Variants in ZZEF1 observed in about 807,000 individuals in gnomAD.
ZZEF1 encodes the protein zinc finger ZZ-type and EF-hand domain containing 1.
A neutral mutation model predicts 342.8 loss-of-function variants in ZZEF1; 157 were observed. The observed-to-expected ratio is 0.46, with a 90% CI of 0.40 to 0.52. The LOEUF is 0.52. Among genes scored for constraint, ZZEF1 ranks in the 20% least tolerant of loss-of-function variants. ZZEF1 has a pLI of 0.00. For synonymous variants in ZZEF1, 1,505 were observed against 1,429.1 expected (o/e 1.05, Z -1.20); for missense variants, 3,480 against 3,725.6 (o/e 0.93, Z 1.72).
In ZZEF1 at chr17:4,049,865, TG is replaced by T; in HGVS notation, c.5864-7del. ...CAAAGCTAGAGCTTTAAGGCCTATG[TG>T]GGAAGCAAATCAGAGAATGGTTAGA... On this transcript the variant is annotated splice_region_variant and splice_polypyrimidine_tract_variant and intron_variant, in intron 36 of 54. Transcript: ENST00000381638. 1.2e-6 allele frequency: 2 copies of T among 1,612,234 alleles called. No individual in the cohort carries two copies. The highest frequency in any genetic ancestry group is 1.7e-6 in the Non-Finnish European group (2 of 1,179,452).
intron 27 of ZZEF1, 137 bp from the exon 28 acceptor site, chr17:4,066,677 TACTC>T: frequency 2.7e-6 from 2 of 739,848 alleles, no homozygotes; most frequent in Non-Finnish European, 4.6e-6. Flanking sequence ...GGGTTTGTAA[TACTC>T]ACAACCTTAT....
intron 1 of ZZEF1, among the ~76,000 whole-genome samples, chr17:4,124,757 T>G (rs1288623057): frequency 6.6e-6 from 1 of 152,052 alleles, no homozygotes; most frequent in African/African-American, 2.4e-5. Context: ...CGCGTCTGCC[T>G]GGGCTTTTTC....
In ZZEF1 at chr17:4,005,774, T is replaced by G. The variant is rs1484909406; in HGVS notation, c.*1116A>C. On this transcript the variant is annotated 3_prime_UTR_variant, in exon 55 of 55. Transcript: ENST00000381638. The stretch of plus-strand genomic sequence containing the variant: ...CCAGACACTGCCCCTAAAGGCATGC[T>G]CCAACCCCACGGGTCCCACTAAGGC... The G allele has an allele frequency of 2.0e-5, 3 of 152,198 alleles. No homozygotes were observed. Among genetic ancestry groups the G allele is most frequent in the African/African-American group, 7.2e-5 (3 of 41,416 alleles). 9.4% of individuals were successfully genotyped at this position (152,198 alleles called of 1,614,324 possible). A position where few individuals can be genotyped will look rare whatever the true frequency, so the allele number is the denominator to read the frequency against.
chr17:4,114,115 C>A (rs2058356717), intron 4 of ZZEF1, among the ~76,000 whole-genome samples, 184 bp downstream of exon 4: 1 of 152,054 alleles, frequency 6.6e-6, no homozygotes. Flanking sequence ...ATGTTATTTC[C>A]TCCTTTAAAA....
chr17:4,136,722 G>T (rs1420349521), intron 1 of ZZEF1, among the ~76,000 whole-genome samples: 2 of 152,188 alleles, frequency 1.3e-5, no homozygotes, highest in Non-Finnish European at 2.9e-5. Flanking sequence ...TGCAGGCAAT[G>T]AGTACCAAGG....
rs2058360371 is a variant in ZZEF1 at position 4,114,353 on chromosome 17, C to G, written c.812G>C (p.Gly271Ala). The G allele has an allele frequency of 6.2e-7, 1 of 1,612,000 alleles. No individual in the cohort carries two copies. Among genetic ancestry groups the G allele is most frequent in the African/African-American group, 1.3e-5 (1 of 74,986 alleles). Reference protein sequence around the residue: ...NSADIDKMTNGETSSYWQSDG... With the variant: ...NSADIDKMTNAETSSYWQSDG... ...TGACTGCCAGTAGGATGAGGTTTCT[C>G]CATTTGTCATCTTGTCAATGTCTGC... The change falls in exon 4 of 55, where the codon GGA becomes GCA. Residue 271 changes from glycine to alanine, a missense_variant. This residue lies in a region of ZZEF1 where 416 missense variants were observed against 374.2 expected (regional missense o/e 1.11). Coordinates refer to ENST00000381638, the MANE Select transcript of ZZEF1 (RefSeq NM_015113.4).
At position 4,076,751 on chromosome 17, in the gene ZZEF1, G is replaced by C; in HGVS notation, c.3120C>G (p.Phe1040Leu). 10 of 1,608,510 alleles carry C rather than the reference G, an allele frequency of 6.2e-6. No homozygotes were observed. Among genetic ancestry groups the C allele is most frequent in the Non-Finnish European group, 7.6e-6 (9 of 1,176,630 alleles). Reference sequence around the variant, plus strand: ...TGTCTAAAGTGCAGAAGTCCAGCAGGAAGATAACCTAATGGAAGATGGATG... The same window carrying C: ...TGTCTAAAGTGCAGAAGTCCAGCAGCAAGATAACCTAATGGAAGATGGATG... ...FSMAARQLVI[F>L]LLDFCTLDIP... Residue 1040 changes from phenylalanine (F) to leucine (L), a missense_variant, in exon 21 of 55, where the codon TTC (phenylalanine) becomes TTG (leucine). Around this residue, in one of 5 missense-constraint regions of ZZEF1, gnomAD observed 1,528 missense variants for 1,624.1 expected, o/e 0.94. Coordinates refer to ENST00000381638, the MANE Select transcript of ZZEF1 (RefSeq NM_015113.4).
chr17:4,028,430 C>G (rs920415481), intron 42 of ZZEF1, among the ~76,000 whole-genome samples: 17 of 151,946 alleles, frequency 1.1e-4, no homozygotes, highest in African/African-American at 3.6e-4. Context: ...TGCCTGTAAT[C>G]CCAGCTACTT....
chr17:4,086,738 T>G (rs2057836421), intron 14 of ZZEF1, 83 bp from the exon 15 acceptor site: 1 of 1,413,850 alleles, frequency 7.1e-7, no homozygotes, highest in East Asian at 2.3e-5. Flanking sequence ...TACAAAGGAC[T>G]TTCCTCTAGG....
At chr17:4,039,041 A>T (rs1209885856) in intron 39 of ZZEF1, among the ~76,000 whole-genome samples, 3 of 116,126 alleles carry the variant, frequency 2.6e-5, no homozygotes, top group Non-Finnish European at 6.0e-5. Flanking sequence ...AGTGCCTGCT[A>T]AAAAAAAAAG....
Position 4,006,979 on chromosome 17 carries a change from G to T in ZZEF1, c.8806-9C>A. ...GCAATGTTCTGCAGAGCCTGTAGAG[G>T]GAAAAAGAGTTGTCGCCAATGTCGG... On this transcript the variant is annotated splice_polypyrimidine_tract_variant and intron_variant, in intron 54 of 54. Transcript: ENST00000381638. 2 of 1,577,806 alleles carry T rather than the reference G, an allele frequency of 1.3e-6. No homozygotes were observed. Among genetic ancestry groups the T allele is most frequent in the Non-Finnish European group, 8.6e-7 (1 of 1,160,660 alleles).
In ZZEF1 at chr17:4,077,909, T is replaced by C; in HGVS notation, c.2963A>G (p.Asp988Gly). 6.2e-7 allele frequency: 1 copy of C among 1,614,140 alleles called. No homozygotes were observed. Among genetic ancestry groups the C allele is most frequent in the Non-Finnish European group, 8.5e-7 (1 of 1,180,024 alleles). The change falls in exon 19 of 55, where the codon GAT becomes GGT. Residue 988 changes from aspartate (D) to glycine (G), a missense_variant. Physicochemically the swap from Asp to Gly is moderately conservative, Grantham distance 94 (BLOSUM62 -1). This residue lies in a region of ZZEF1 where 1,528 missense variants were observed against 1,624.1 expected (regional missense o/e 0.94). Transcript: ENST00000381638. ...QLKSTDSGAK[D>G]LAVDLIEKYV... ...TTTTTCAATAAGGTCCACGGCAAGA[T>C]CTTTGGCTCCAGAGTCCGTGCTCTT...
At position 4,138,733 on chromosome 17, in the gene ZZEF1, G is replaced by A. The variant is rs184373087; in HGVS notation, c.354+3809C>T. On this transcript the variant is annotated intron_variant, in intron 1 of 54. Coordinates refer to ENST00000381638, the MANE Select transcript of ZZEF1 (RefSeq NM_015113.4). ...CCATCTGTTATCCTGTACTCAGCAC[G>A]TTTTTCTGCCCTAGAAGATTTTCTA... Among the ~76,000 whole-genome samples, 6 of 152,296 alleles carry A rather than the reference G, an allele frequency of 3.9e-5. No homozygotes were observed. In the East Asian group the frequency reaches 9.6e-4, roughly 24 times the overall value.
chr17:4,064,064 G>A (rs749106393), intron 29 of ZZEF1, among the ~76,000 whole-genome samples: 5 of 98,278 alleles, frequency 5.1e-5, no homozygotes, highest in Admixed American at 3.0e-4. Flanking sequence ...TGTAGATGGA[G>A]GGGGGGGGGT....
intron 29 of ZZEF1, 73 bp from the exon 30 acceptor site, chr17:4,062,990 A>G: frequency 6.8e-7 from 1 of 1,463,280 alleles, no homozygotes; most frequent in South Asian, 1.3e-5. Flanking sequence ...ATCCCCGCCA[A>G]AGCCCTGATG....
At chr17:4,083,145 G>A (rs575006397) in intron 16 of ZZEF1, among the ~76,000 whole-genome samples, 45 of 152,316 alleles carry the variant, frequency 3.0e-4, no homozygotes, top group South Asian at 1.9e-3. Flanking sequence ...TATGGTATCC[G>A]AAGATACTGA....
rs770356458 is a variant in ZZEF1 at position 4,076,915 on chromosome 17, C to G, written c.3064G>C (p.Val1022Leu). The change falls in exon 20 of 55, where the codon GTA becomes CTA. Residue 1022 changes from valine (V) to leucine (L), a missense_variant. Around this residue, in one of 5 missense-constraint regions of ZZEF1, gnomAD observed 1,528 missense variants for 1,624.1 expected, o/e 0.94. Coordinates refer to ENST00000381638, the MANE Select transcript of ZZEF1 (RefSeq NM_015113.4). Reference protein sequence around the residue: ...LFSQYSGKTIVERLCNSVFSM... With the variant: ...LFSQYSGKTILERLCNSVFSM... ...AACACTGAGTTACATAATCTTTCTA[C>G]TATGGTTTTTCCACTGTACTGTGAG... The G allele has an allele frequency of 8.1e-6, 13 of 1,614,210 alleles. No homozygotes were observed. The South Asian group carries it at 1.4e-4, about 18-fold the overall frequency.
At chr17:4,114,243 T>G (rs560796725) in intron 4 of ZZEF1, 56 bp downstream of exon 4, 1 of 1,365,630 alleles carries the variant, frequency 7.3e-7, no homozygotes, top group East Asian at 2.6e-5. Context: ...AGTAGGCAGT[T>G]AAGAAGAAAA....
At chr17:4,123,306 T>TATAC (rs2058519289) in intron 2 of ZZEF1, among the ~76,000 whole-genome samples, 1 of 127,006 alleles carries the variant, frequency 7.9e-6, no homozygotes, top group Admixed American at 8.0e-5. Context: ...TATATATATA[T>TATAC]ATATCAGAAA....
Sources: allele counts gnomAD v4.1 joint callset (sites outside exome capture counted in the v4.1 genomes callset), GRCh38; gene constraint gnomAD v4.1.1; regional missense constraint gnomAD v4.1.1; transcripts MANE v1.5; gene names NCBI Gene and HGNC (gene_info 2026-07-23, HGNC 2026-07-21).